Variants in RAPGEF2 observed in about 807,000 individuals in gnomAD.
The protein encoded by RAPGEF2 is PDZ domain containing guanine nucleotide exchange factor (GEF) 1.
Under a neutral mutation model 186.7 loss-of-function variants are expected in RAPGEF2, and 54 were observed. That is an observed-to-expected ratio of 0.29 (90% CI 0.23 to 0.36). The LOEUF is 0.36. Among genes scored for constraint, RAPGEF2 ranks in the 10% least tolerant of loss-of-function variants. The probability of loss-of-function intolerance (pLI) is 1.00; values close to 1 mark genes in which losing one functional copy is unlikely to be tolerated. For synonymous variants in RAPGEF2, 712 were observed against 705.9 expected, an observed-to-expected ratio of 1.01 and a Z score of -0.14; for missense variants, 1,532 against 2,045.0, an observed-to-expected ratio of 0.75 and a Z score of 4.84.
intron 11 of RAPGEF2, 103 bp downstream of exon 11, chr4:159,323,720 A>ATTTTT: frequency 4.1e-6 from 2 of 484,544 alleles, no homozygotes; most frequent in Non-Finnish European, 5.9e-6. Context: ...CTTACAAATA[A>ATTTTT]TTTTTTTTTT....
intron 7 of RAPGEF2, among the ~76,000 whole-genome samples, chr4:159,287,338 C>T (rs1273653885): frequency 6.6e-6 from 1 of 151,846 alleles, no homozygotes; most frequent in Non-Finnish European, 1.5e-5. Context: ...ATATTGTTTA[C>T]CTAAGCAGCA....
intron 7 of RAPGEF2, chr4:159,268,353 G>C: frequency 1.1e-5 from 7 of 610,708 alleles, no homozygotes; most frequent in East Asian, 3.1e-5. Context: ...GGAGGGGAGG[G>C]TGCATTAAAG....
intron 7 of RAPGEF2, among the ~76,000 whole-genome samples, chr4:159,287,969 C>A (rs913918611): frequency 2.6e-5 from 4 of 152,260 alleles, no homozygotes; most frequent in Admixed American, 2.6e-4. Flanking sequence ...TACCAGAATT[C>A]TTTCACATCT....
intron 4 of RAPGEF2, among the ~76,000 whole-genome samples, chr4:159,222,924 A>G (rs1751675131): frequency 6.6e-6 from 1 of 151,562 alleles, no homozygotes; most frequent in Admixed American, 6.6e-5. Context: ...AATTATATAT[A>G]TATATATATA....
At chr4:159,321,383 T>C (rs936383526) in intron 9 of RAPGEF2, among the ~76,000 whole-genome samples, 1 of 152,094 alleles carries the variant, frequency 6.6e-6, no homozygotes, top group African/African-American at 2.4e-5. Context: ...ATTTTTAAAA[T>C]ATTTTGTAGA....
Position 159,278,139 on chromosome 4 carries a change from A to T in RAPGEF2, c.544-26203A>T, listed in dbSNP as rs190428599. ...TTTTTGTATAAGGTGTAAGGAAGGG[A>T]TCCAGTTTCAGTTTTCTACATATGG... On this transcript the variant is annotated intron_variant, in intron 7 of 29. Coordinates refer to ENST00000691494, the MANE Select transcript of RAPGEF2 (RefSeq NM_001394067.2). Among the ~76,000 whole-genome samples, 5 of 152,254 alleles carry T rather than the reference A, an allele frequency of 3.3e-5. No individual in the cohort carries two copies. In the East Asian group the frequency reaches 7.7e-4, roughly 24 times the overall value.
chr4:159,231,539 G>C (rs1251448722), intron 4 of RAPGEF2, among the ~76,000 whole-genome samples: 1 of 151,738 alleles, frequency 6.6e-6, no homozygotes, highest in Non-Finnish European at 1.5e-5. Flanking sequence ...ATATGACCAT[G>C]GATAAAGAAA....
chr4:159,317,600 G>A lies in RAPGEF2; in HGVS notation c.853+2832G>A, dbSNP rs140675393. Among the ~76,000 whole-genome samples, 6 of 152,064 alleles carry A rather than the reference G, an allele frequency of 3.9e-5. No homozygotes were observed. The East Asian group carries it at 7.7e-4, about 20-fold the overall frequency. On this transcript the variant is annotated intron_variant, in intron 9 of 29. Transcript: ENST00000691494. ...GATCTGATTTACAATTTCTAAAAAC[G>A]GGTTTCACTCTCCAATTCCCTGTTC...
intron 4 of RAPGEF2, among the ~76,000 whole-genome samples, chr4:159,218,448 T>C (rs1751192265): frequency 6.6e-6 from 1 of 152,194 alleles, no homozygotes; most frequent in South Asian, 2.1e-4. Context: ...ACATTTTCTT[T>C]ATAGAGAACA....
intron 7 of RAPGEF2, among the ~76,000 whole-genome samples, chr4:159,292,190 A>G (rs1345452211): frequency 3.9e-5 from 6 of 152,158 alleles, no homozygotes; most frequent in Non-Finnish European, 5.9e-5. Flanking sequence ...ACTCTTTACC[A>G]TAGCTCCCCA....
intron 7 of RAPGEF2, among the ~76,000 whole-genome samples, chr4:159,257,463 C>T (rs372632254): frequency 5.3e-5 from 8 of 152,096 alleles, no homozygotes; most frequent in Admixed American, 3.9e-4. Flanking sequence ...AGGAAAGACC[C>T]GCCCCATGAT....
intron 3 of RAPGEF2, among the ~76,000 whole-genome samples, chr4:159,195,917 T>G (rs1240925473): frequency 6.1e-5 from 8 of 130,448 alleles, no homozygotes; most frequent in African/African-American, 8.7e-5. Context: ...CCAAGTAGGC[T>G]TAGAGGTTTA....
intron 4 of RAPGEF2, among the ~76,000 whole-genome samples, chr4:159,213,046 T>C (rs1371577196): frequency 6.6e-6 from 1 of 152,250 alleles, no homozygotes; most frequent in Non-Finnish European, 1.5e-5. Context: ...TGTCAAGTGC[T>C]TGCCAGTTAG....
chr4:159,205,979 A>C (rs1749936463), intron 3 of RAPGEF2, among the ~76,000 whole-genome samples: 1 of 151,090 alleles, frequency 6.6e-6, no homozygotes, highest in African/African-American at 2.4e-5. Flanking sequence ...CCCAGGCTGG[A>C]GTGCAGTGGT....
intron 3 of RAPGEF2, among the ~76,000 whole-genome samples, chr4:159,201,073 A>T (rs1749356036): frequency 6.6e-6 from 1 of 152,134 alleles, no homozygotes; most frequent in Non-Finnish European, 1.5e-5. Context: ...TTTTGGCTTG[A>T]TATCATTGTT....
intron 3 of RAPGEF2, among the ~76,000 whole-genome samples, chr4:159,200,258 A>G (rs1184262024): frequency 6.6e-6 from 1 of 152,066 alleles, no homozygotes; most frequent in Non-Finnish European, 1.5e-5. Flanking sequence ...GCTTGAGCCC[A>G]GGAGTTCGAG....
At position 159,271,800 on chromosome 4, in the gene RAPGEF2, A is replaced by G. The variant is rs910289550; in HGVS notation, c.543+28009A>G. ...TCCTGGCATATGTGACATTCCAAGC[A>G]GCAAGAATATCATGATCAAAATCAT... On this transcript the variant is annotated intron_variant, in intron 7 of 29. Coordinates refer to ENST00000691494, the MANE Select transcript of RAPGEF2 (RefSeq NM_001394067.2). 5.3e-5 allele frequency among the ~76,000 whole-genome samples: 8 copies of G among 152,334 alleles called. No homozygotes were observed. The East Asian group carries it at 1.5e-3, about 29-fold the overall frequency.
chr4:159,104,816 G>T (rs1737699669), intron 1 of RAPGEF2, among the ~76,000 whole-genome samples: 1 of 152,140 alleles, frequency 6.6e-6, no homozygotes, highest in African/African-American at 2.4e-5. Flanking sequence ...ACATTGAGGT[G>T]TTTGTATGTT....
chr4:159,105,054 C>T (rs1207607525), intron 1 of RAPGEF2, among the ~76,000 whole-genome samples: 1 of 152,168 alleles, frequency 6.6e-6, no homozygotes, highest in Non-Finnish European at 1.5e-5. Flanking sequence ...TGCAGGCTTA[C>T]TCTTCTCTTA....
Sources: gnomAD v4.1 joint callset for allele counts (sites outside exome capture counted in the v4.1 genomes callset) on GRCh38, gnomAD v4.1.1 for gene constraint, MANE v1.5 for transcripts, NCBI Gene and HGNC (gene_info 2026-07-23, HGNC 2026-07-21) for gene names.